Variants in NPTX1 observed in about 807,000 individuals in gnomAD.
NPTX1 encodes the protein neuronal pentraxin-1.
In NPTX1, 12 loss-of-function variants were observed where a neutral mutation model predicts 38.7. The observed-to-expected ratio is 0.31, with a 90% CI of 0.20 to 0.50. The LOEUF (loss-of-function observed/expected upper bound fraction) is 0.50. Among genes scored for constraint, NPTX1 ranks in the 20% least tolerant of loss-of-function variants. The pLI is 0.98. For missense variants in NPTX1, 454 were observed against 592.2 expected (o/e 0.77, Z 2.42); for synonymous variants, 272 against 264.9 (o/e 1.03, Z -0.26).
Position 80,470,948 on chromosome 17 carries a change from G to C in NPTX1, c.1164C>G (p.Pro388=), listed in dbSNP as rs776902367. The C allele has an allele frequency of 3.7e-6, 6 of 1,613,572 alleles. No homozygotes were observed. The highest frequency in any genetic ancestry group is 1.7e-5 in the Admixed American group (1 of 59,978). ...AGGTGGCCAGGTTGTACACCTCCCC[G>C]GGGGTCAGCTTGCGGTCCCAGATGT... ...HFNIWDRKLT[P]GEVYNLATCS... is the part of the protein sequence containing the mutation. The change falls in exon 5 of 5, where the codon CCC becomes CCG. Residue 388 remains proline (P), a synonymous_variant. Transcript: ENST00000306773.
chr17:80,475,728 GC>G lies in NPTX1; in HGVS notation c.445-11del, dbSNP rs763340236. ...TGAGGCGGCTGTACTGCTGCGGGGT[GC>G]AAGGGCGGGGGAAACCACACCGTTA... is the stretch of plus-strand genomic sequence containing the variant. On this transcript the variant is annotated splice_polypyrimidine_tract_variant and intron_variant, in intron 1 of 4. Coordinates refer to ENST00000306773, the MANE Select transcript of NPTX1 (RefSeq NM_002522.4). This position sits in a 1 kb window ranked among gnomAD's most constrained non-coding sequence, Gnocchi z 6.5. 6.3e-7 allele frequency: 1 copy of G among 1,596,818 alleles called. No homozygotes were observed. Among genetic ancestry groups the G allele is most frequent in the Admixed American group, 1.7e-5 (1 of 59,876 alleles).
Position 80,475,992 on chromosome 17 carries a change from C to G in NPTX1, c.444+11G>C, listed in dbSNP as rs867284085. On this transcript the variant is annotated intron_variant, in intron 1 of 4. Transcript: ENST00000306773. This position sits in a 1 kb window ranked among gnomAD's most constrained non-coding sequence, Gnocchi z 6.5. The stretch of plus-strand genomic sequence containing the variant: ...CCGGAGGGGGAACCGGAGCCGAGGG[C>G]GCGCGCGGACCTCGAGGTTCTCCAG... 2 of 1,599,164 alleles carry G rather than the reference C, an allele frequency of 1.3e-6. No homozygotes were observed. The highest frequency in any genetic ancestry group is 3.3e-4 in the Middle Eastern group (2 of 6,020).
chr17:80,473,798 C>T, intron 2 of NPTX1: 1 of 302,124 alleles, frequency 3.3e-6, no homozygotes, highest in Non-Finnish European at 6.3e-6. Flanking sequence ...CAAGCCAAGT[C>T]AACCCAAGGA....
chr17:80,475,538 G>T lies in NPTX1; in HGVS notation c.625C>A (p.His209Asn). Residue 209 changes from histidine to asparagine, a missense_variant, in exon 2 of 5, where the codon CAC becomes AAC. Physicochemically the swap from His to Asn is moderately conservative, Grantham distance 68. Around this residue, in one of 4 missense-constraint regions of NPTX1, gnomAD observed 288 missense variants for 318.4 expected, o/e 0.90. Coordinates refer to ENST00000306773, the MANE Select transcript of NPTX1 (RefSeq NM_002522.4). The surrounding 1 kb of genome is among the most constrained non-coding windows in gnomAD (Gnocchi z 6.5). ...VKIETALTSL[H>N]QRISELEKGQ... is the part of the protein sequence containing the mutation. ...TTCTCGAGCTCGCTGATCCGCTGGTGCAGGGAGGTCAGGGCGGTCTCGATC... is the reference window on the plus strand; with the variant it reads ...TTCTCGAGCTCGCTGATCCGCTGGTTCAGGGAGGTCAGGGCGGTCTCGATC... The T allele has an allele frequency of 1.2e-6, 2 of 1,612,578 alleles. No homozygotes were observed. Among genetic ancestry groups the T allele is most frequent in the Non-Finnish European group, 1.7e-6 (2 of 1,179,828 alleles).
intron 3 of NPTX1, 116 bp from the exon 4 acceptor site, chr17:80,472,027 A>G: frequency 1.0e-6 from 1 of 979,352 alleles, no homozygotes; most frequent in Non-Finnish European, 1.5e-6. Flanking sequence ...GTCAATAACT[A>G]TTACTGAATT....
chr17:80,473,970 C>T (rs1007837978), intron 2 of NPTX1: 1 of 170,270 alleles, frequency 5.9e-6, no homozygotes, highest in Admixed American at 5.6e-5. Flanking sequence ...ACACTTCCCT[C>T]CAGGCCAGAT....
Position 80,476,408 on chromosome 17 carries a change from G to T in NPTX1, c.39C>A (p.Leu13=). The change falls in exon 1 of 5, where the codon CTC becomes CTA. Residue 13 remains leucine, a synonymous_variant. Coordinates refer to ENST00000306773, the MANE Select transcript of NPTX1 (RefSeq NM_002522.4). This position sits in a 1 kb window ranked among gnomAD's most constrained non-coding sequence, Gnocchi z 6.3. The part of the protein sequence containing the change: ...AGRAARTCAL[L]ALCLLGAGAQ... ...CCCCGGCGCCCAGGAGGCAGAGGGC[G>T]AGCAGCGCACAGGTGCGCGCGGCGC... 6.6e-7 allele frequency: 1 copy of T among 1,505,326 alleles called. No individual in the cohort carries two copies. Among genetic ancestry groups the T allele is most frequent in the South Asian group, 1.2e-5 (1 of 81,232 alleles). 93.2% of individuals were successfully genotyped at this position (1,505,326 alleles called of 1,614,324 possible).
At position 80,470,609 on chromosome 17, in the gene NPTX1, A is replaced by C; in HGVS notation, c.*204T>G. On this transcript the variant is annotated 3_prime_UTR_variant, in exon 5 of 5. Transcript: ENST00000306773. ...CCTGAGAGAGTCCGGGCTCCTACAG[A>C]GAAGTGGGGCTTCCTCAGGGACAGA... 1 of 526,024 alleles carries C rather than the reference A, an allele frequency of 1.9e-6. No individual in the cohort carries two copies. Among genetic ancestry groups the C allele is most frequent in the South Asian group, 2.4e-5 (1 of 41,080 alleles). 32.6% of individuals were successfully genotyped at this position (526,024 alleles called of 1,614,324 possible). A position where few individuals can be genotyped will look rare whatever the true frequency, so the allele number is the denominator to read the frequency against.
At position 80,476,345 on chromosome 17, in the gene NPTX1, C is replaced by T. The variant is rs1314671246; in HGVS notation, c.102G>A (p.Ser34=). The T allele has an allele frequency of 6.5e-7, 1 of 1,535,790 alleles. No individual in the cohort carries two copies. The highest frequency in any genetic ancestry group is 1.2e-5 in the South Asian group (1 of 83,734). The change falls in exon 1 of 5, where the codon TCG becomes TCA. Residue 34 remains serine (S), a synonymous_variant. Coordinates refer to ENST00000306773, the MANE Select transcript of NPTX1 (RefSeq NM_002522.4). This position sits in a 1 kb window ranked among gnomAD's most constrained non-coding sequence, Gnocchi z 6.3. ...DFGPTRFICT[S]VPVDADMCAA... ...CGCACATGTCGGCGTCCACGGGCACCGAGGTGCAGATGAAGCGCGTCGGCC... is the reference window on the plus strand; with the variant it reads ...CGCACATGTCGGCGTCCACGGGCACTGAGGTGCAGATGAAGCGCGTCGGCC...
chr17:80,472,518 C>A (rs997138224), intron 3 of NPTX1, among the ~76,000 whole-genome samples: 3 of 152,202 alleles, frequency 2.0e-5, no homozygotes, highest in Non-Finnish European at 4.4e-5. Flanking sequence ...ACTTCACACC[C>A]TTTCCGCTTG....
Position 80,475,917 on chromosome 17 carries a change from T to A in NPTX1, c.444+86A>T. ...GCGCGGCTGAGGCGAGGGCGGGGGA[T>A]GCCTGGCCGGGTAGGGAACGGGGTG... is the stretch of plus-strand genomic sequence containing the variant. On this transcript the variant is annotated intron_variant, in intron 1 of 4. Coordinates refer to ENST00000306773, the MANE Select transcript of NPTX1 (RefSeq NM_002522.4). The surrounding 1 kb of genome is among the most constrained non-coding windows in gnomAD (Gnocchi z 6.5). 4 of 1,131,446 alleles carry A rather than the reference T, an allele frequency of 3.5e-6. No individual in the cohort carries two copies. Among genetic ancestry groups the A allele is most frequent in the Non-Finnish European group, 4.9e-6 (4 of 820,824 alleles). 70.1% of individuals were successfully genotyped at this position (1,131,446 alleles called of 1,614,324 possible).
At position 80,473,247 on chromosome 17, in the gene NPTX1, G is replaced by A; in HGVS notation, c.850C>T (p.Leu284Phe). ...ATGGGGTTGTTGCCCCACTCAATGA[G>A]GACCAGCTCGTTGGCCTGGCCGGGC... ...AVPGQANELV[L>F]IEWGNNPMEI... The change falls in exon 3 of 5, where the codon CTC (leucine) becomes TTC (phenylalanine). Residue 284 changes from leucine to phenylalanine, a missense_variant. Transcript: ENST00000306773. 1 of 1,613,802 alleles carries A rather than the reference G, an allele frequency of 6.2e-7. No individual in the cohort carries two copies. The highest frequency in any genetic ancestry group is 8.5e-7 in the Non-Finnish European group (1 of 1,180,034).
Position 80,476,474 on chromosome 17 carries a change from C to CGGCTCGGCTCGGCTGG in NPTX1, c.-44_-29dup. The CGGCTCGGCTCGGCTGG allele has an allele frequency of 8.6e-7, 1 of 1,164,054 alleles. No individual in the cohort carries two copies. The highest frequency in any genetic ancestry group is 1.1e-6 in the Non-Finnish European group (1 of 944,974). 72.1% of individuals were successfully genotyped at this position (1,164,054 alleles called of 1,614,324 possible). Reference sequence around the variant, plus strand: ...CTGCGGGCACCGGGCGCTCCGGGCCCGGCTCGGCTCGGCTGGGGCTCGGCT... The same window carrying CGGCTCGGCTCGGCTGG: ...CTGCGGGCACCGGGCGCTCCGGGCCCGGCTCGGCTCGGCTGGGGCTCGGCTCGGCTGGGGCTCGGCT... On this transcript the variant is annotated 5_prime_UTR_variant, in exon 1 of 5. Transcript: ENST00000306773. The surrounding 1 kb of genome is among the most constrained non-coding windows in gnomAD (Gnocchi z 6.3).
intron 3 of NPTX1, among the ~76,000 whole-genome samples, 153 bp from the exon 4 acceptor site, chr17:80,472,064 C>T (rs1224107295): frequency 1.3e-5 from 2 of 152,256 alleles, no homozygotes; most frequent in East Asian, 3.8e-4. Context: ...CCCCAGACTT[C>T]AGCGTCTGTC....
rs1017059079 is a variant in NPTX1, at chr17:80,468,184, A to C, written c.*2629T>G. 2 of 152,740 alleles carry C rather than the reference A, an allele frequency of 1.3e-5. No individual in the cohort carries two copies. The highest frequency in any genetic ancestry group is 4.8e-5 in the African/African-American group (2 of 41,468). 9.5% of individuals were successfully genotyped at this position (152,740 alleles called of 1,614,324 possible). The stretch of plus-strand genomic sequence containing the variant: ...GGCCAGCAAAGTGCCAAGTGTCAAC[A>C]CAGTGAGGGAGTCGAGGGGCTTGGC... On this transcript the variant is annotated 3_prime_UTR_variant, in exon 5 of 5. Coordinates refer to ENST00000306773, the MANE Select transcript of NPTX1 (RefSeq NM_002522.4).
chr17:80,473,092 G>T, intron 3 of NPTX1, 108 bp downstream of exon 3: 89 of 1,311,740 alleles, frequency 6.8e-5, no homozygotes, highest in South Asian at 1.3e-4. Flanking sequence ...CACTTTCCTT[G>T]GGGCCCCATC....
Position 80,476,048 on chromosome 17 carries a change from G to T in NPTX1, c.399C>A (p.Leu133=), listed in dbSNP as rs776082828. 1.9e-6 allele frequency: 3 copies of T among 1,608,814 alleles called. No individual in the cohort carries two copies. The highest frequency in any genetic ancestry group is 1.3e-5 in the African/African-American group (1 of 74,092). The part of the protein sequence containing the change: ...RTPAAETLSQ[L]GQTLQSLKTR... ...TTTTGAGCGATTGCAAAGTTTGCCC[G>T]AGTTGGCTGAGCGTCTCGGCGGCCG... The change falls in exon 1 of 5, where the codon CTC becomes CTA. Residue 133 remains leucine (L), a synonymous_variant. Transcript: ENST00000306773. The surrounding 1 kb of genome is among the most constrained non-coding windows in gnomAD (Gnocchi z 6.3).
At position 80,468,857 on chromosome 17, in the gene NPTX1, C is replaced by T. The variant is rs974330023; in HGVS notation, c.*1956G>A. The T allele has an allele frequency of 6.6e-6, 1 of 152,238 alleles. No individual in the cohort carries two copies. The highest frequency in any genetic ancestry group is 1.5e-5 in the Non-Finnish European group (1 of 68,078). 9.4% of individuals were successfully genotyped at this position (152,238 alleles called of 1,614,324 possible). A position where few individuals can be genotyped will look rare whatever the true frequency, so the allele number is the denominator to read the frequency against. ...CCAGGGAGCAAGGAACACGCCACCC[C>T]GAGGAACATGCAAACGGAGAAGATC... On this transcript the variant is annotated 3_prime_UTR_variant, in exon 5 of 5. Transcript: ENST00000306773.
At chr17:80,473,587 C>T in intron 2 of NPTX1, 143 bp from the exon 3 acceptor site, 1 of 806,004 alleles carries the variant, frequency 1.2e-6, no homozygotes, top group African/African-American at 1.7e-5. Context: ...CGGGTAGCTT[C>T]CCAGGTCAAG....
Sources: gnomAD v4.1 joint callset for allele counts (sites outside exome capture counted in the v4.1 genomes callset) on GRCh38, gnomAD v4.1.1 for gene constraint, gnomAD v4.1.1 regional missense constraint, Gnocchi (gnomAD v3.1) non-coding constraint, MANE v1.5 for transcripts, NCBI Gene and HGNC (gene_info 2026-07-23, HGNC 2026-07-21) for gene names.